Variants in SKA3 observed in about 807,000 individuals in gnomAD.
SKA3 encodes spindle and kinetochore associated complex subunit 3, also known as spindle and kinetochore-associated protein 3.
In SKA3, 39 loss-of-function variants were observed where a neutral mutation model predicts 44.2. That is an observed-to-expected ratio of 0.88 (90% CI 0.68 to 1.15). The LOEUF (loss-of-function observed/expected upper bound fraction) is 1.15. Ranked by LOEUF, SKA3 falls within the 50% of genes most tolerant of loss-of-function variation. The probability of loss-of-function intolerance (pLI) is 0.00; values close to 1 mark genes in which losing one functional copy is unlikely to be tolerated. For synonymous variants in SKA3, 192 were observed against 172.0 expected (o/e 1.12, Z -0.91); for missense variants, 511 against 485.8 (o/e 1.05, Z -0.49).
At chr13:21,157,835 C>G (rs1462233712) in intron 7 of SKA3, 87 bp downstream of exon 7, 1 of 921,122 alleles carries the variant, frequency 1.1e-6, no homozygotes, top group Non-Finnish European at 1.6e-6. Context: ...ATAAATAAGA[C>G]AGTTTATATG....
intron 1 of SKA3, 147 bp from the exon 2 acceptor site, chr13:21,172,828 TTTTTTACCGTACC>T (rs377138684): frequency 1.8e-5 from 8 of 433,812 alleles, no homozygotes; most frequent in South Asian, 1.4e-4. Context: ...TAATACCATA[TTTTTTACCGTACC>T]TTTTTTATGT....
intron 3 of SKA3, among the ~76,000 whole-genome samples, chr13:21,170,783 G>A (rs1340907665): frequency 6.6e-6 from 1 of 152,164 alleles, no homozygotes. Flanking sequence ...GCAACTTAGA[G>A]AAATTACCCA....
intron 5 of SKA3, among the ~76,000 whole-genome samples, chr13:21,160,608 C>A (rs182874932): frequency 1.3e-5 from 2 of 149,660 alleles, no homozygotes; most frequent in East Asian, 3.9e-4. Flanking sequence ...GACGGAGAAA[C>A]AGGAACTCAA....
chr13:21,170,886 G>A (rs950295763), intron 3 of SKA3, among the ~76,000 whole-genome samples: 2 of 150,738 alleles, frequency 1.3e-5, no homozygotes, highest in African/African-American at 4.8e-5. Flanking sequence ...CACGTGGGGG[G>A]TGGTGGTGGT....
chr13:21,167,417 T>C (rs973598977), intron 4 of SKA3, among the ~76,000 whole-genome samples: 1 of 152,132 alleles, frequency 6.6e-6, no homozygotes, highest in Non-Finnish European at 1.5e-5. Flanking sequence ...ACTTTATTGA[T>C]AGTATTGGTG....
At chr13:21,159,481 A>G (rs1870315206) in intron 6 of SKA3, among the ~76,000 whole-genome samples, 1 of 152,080 alleles carries the variant, frequency 6.6e-6, no homozygotes, top group East Asian at 1.9e-4. Flanking sequence ...TATGATTAAT[A>G]TTTCTTGAAA....
At chr13:21,166,594 T>A (rs961436347) in intron 4 of SKA3, among the ~76,000 whole-genome samples, 2 of 152,100 alleles carry the variant, frequency 1.3e-5, no homozygotes, top group Non-Finnish European at 2.9e-5. Context: ...ATTAGCCAAA[T>A]GTAGTGGTGT....
At chr13:21,159,005 C>T (rs543828781) in intron 6 of SKA3, among the ~76,000 whole-genome samples, 6 of 152,218 alleles carry the variant, frequency 3.9e-5, no homozygotes, top group African/African-American at 1.4e-4. Context: ...ATAACACAGC[C>T]CTGTGTTCAT....
Position 21,168,203 on chromosome 13 carries a change from TGGA to T in SKA3, c.525_527del (p.Pro176del). ...CTTCCTTATAGTTGTTCACTGCCTG[TGGA>T]GGGTTTGGTAGAACTTGGGATACGA... On this transcript the variant is annotated inframe_deletion, in exon 4 of 9. Transcript: ENST00000314759. 1 of 1,614,116 alleles carries T rather than the reference TGGA, an allele frequency of 6.2e-7. No homozygotes were observed. Among genetic ancestry groups the T allele is most frequent in the Non-Finnish European group, 8.5e-7 (1 of 1,179,986 alleles).
Position 21,172,677 on chromosome 13 carries a change from A to G in SKA3, c.108T>C (p.Phe36=), listed in dbSNP as rs761263570. The change falls in exon 2 of 9, where the codon TTT becomes TTC. Residue 36 remains phenylalanine, a synonymous_variant. Coordinates refer to ENST00000314759, the MANE Select transcript of SKA3 (RefSeq NM_145061.6). ...ATAAAATTCTCATTGGATAATCTTCAAAGTCTTCAATATGAATATTGAAAG... is the reference window on the plus strand; with the variant it reads ...ATAAAATTCTCATTGGATAATCTTCGAAGTCTTCAATATGAATATTGAAAG... ...QRALDGEESD[F]EDYPMRILYD... is the part of the protein sequence containing the mutation. The G allele has an allele frequency of 1.3e-6, 2 of 1,559,652 alleles. No homozygotes were observed. Among genetic ancestry groups the G allele is most frequent in the South Asian group, 1.2e-5 (1 of 85,218 alleles).
At chr13:21,161,168 G>A (rs551638252) in intron 5 of SKA3, among the ~76,000 whole-genome samples, 1 of 152,090 alleles carries the variant, frequency 6.6e-6, no homozygotes, top group East Asian at 1.9e-4. Context: ...CTATAGTCTC[G>A]GATACTTGAG....
chr13:21,158,970 G>A (rs1020700353), intron 6 of SKA3, among the ~76,000 whole-genome samples: 6 of 152,160 alleles, frequency 3.9e-5, no homozygotes, highest in Non-Finnish European at 7.3e-5. Context: ...GGTACTAACA[G>A]GCAGATAACC....
chr13:21,168,170 T>C lies in SKA3; in HGVS notation c.561A>G (p.Val187=). Residue 187 remains valine, a synonymous_variant, in exon 4 of 9, where the codon GTA becomes GTG. Coordinates refer to ENST00000314759, the MANE Select transcript of SKA3 (RefSeq NM_145061.6). ...QAVNNYKEEP[V]IVTPPTKQSL... ...ATTGTTTGGTAGGTGGGGTTACAATTACGGGCTCTTCCTTATAGTTGTTCA... is the reference window on the plus strand; with the variant it reads ...ATTGTTTGGTAGGTGGGGTTACAATCACGGGCTCTTCCTTATAGTTGTTCA... The C allele has an allele frequency of 6.2e-7, 1 of 1,614,164 alleles. No homozygotes were observed. Among genetic ancestry groups the C allele is most frequent in the South Asian group, 1.1e-5 (1 of 91,074 alleles).
In SKA3 at chr13:21,154,973, A is replaced by G; in HGVS notation, c.*177T>C. ...GCTACATGTCAACAAGACTAAGGTT[A>G]AACCTTATTGAAACTTCATAAAAAG... On this transcript the variant is annotated 3_prime_UTR_variant, in exon 9 of 9. Transcript: ENST00000314759. The G allele has an allele frequency of 9.5e-7, 1 of 1,055,184 alleles. No homozygotes were observed. 65.4% of individuals were successfully genotyped at this position (1,055,184 alleles called of 1,614,324 possible).
Position 21,172,356 on chromosome 13 carries a change from C to G in SKA3, c.314G>C (p.Arg105Pro). Residue 105 changes from arginine (R) to proline (P), a missense_variant, in exon 3 of 9, where the codon CGT becomes CCT. Arg to Pro is a moderately radical substitution (Grantham distance 103). Coordinates refer to ENST00000314759, the MANE Select transcript of SKA3 (RefSeq NM_145061.6). The stretch of plus-strand genomic sequence containing the variant: ...ATTCAAACCTGAATTTTTCTTGACA[C>G]GTGGACTATATCCATACTTCTGGAA... ...EYFQKYGYSP[R>P]VKKNSVHEQE... The G allele has an allele frequency of 6.4e-7, 1 of 1,559,550 alleles. No individual in the cohort carries two copies. The highest frequency in any genetic ancestry group is 1.7e-4 in the Middle Eastern group (1 of 5,868).
intron 6 of SKA3, among the ~76,000 whole-genome samples, chr13:21,158,608 G>A (rs1414679740): frequency 6.6e-6 from 1 of 152,080 alleles, no homozygotes; most frequent in Non-Finnish European, 1.5e-5. Context: ...GTGACAGAGT[G>A]AGACTCCGTC....
intron 5 of SKA3, 135 bp downstream of exon 5, chr13:21,161,655 T>C: frequency 1.9e-6 from 1 of 514,876 alleles, no homozygotes; most frequent in Non-Finnish European, 3.3e-6. Flanking sequence ...AATGAAATGG[T>C]ACTTAATGTA....
chr13:21,170,909 T>TTGTATATA (rs111706143), intron 3 of SKA3, among the ~76,000 whole-genome samples: 1 of 150,476 alleles, frequency 6.6e-6, no homozygotes, highest in Non-Finnish European at 1.5e-5. Flanking sequence ...TATGGGTTGT[T>TTGTATATA]TGTATGTATG....
At chr13:21,168,987 T>C (rs1041369981) in intron 3 of SKA3, among the ~76,000 whole-genome samples, 1 of 152,132 alleles carries the variant, frequency 6.6e-6, no homozygotes, top group Non-Finnish European at 1.5e-5. Context: ...TCTTACATCC[T>C]TAATGTGATT....
Sources: gnomAD v4.1 joint callset for allele counts (sites outside exome capture counted in the v4.1 genomes callset) on GRCh38, gnomAD v4.1.1 for gene constraint, MANE v1.5 for transcripts, NCBI Gene and HGNC (gene_info 2026-07-23, HGNC 2026-07-21) for gene names.